The following H3-3B variants were observed in gnomAD, a reference collection of about 807,000 sequenced individuals.
H3-3B encodes the protein H3.3 histone B, also known as histone H3.3.
A neutral mutation model predicts 13.1 loss-of-function variants in H3-3B; 2 were observed. That is an observed-to-expected ratio of 0.15 (90% CI 0.06 to 0.48). H3-3B has a LOEUF of 0.48. Ranked by LOEUF, H3-3B falls within the 20% of genes least tolerant of loss-of-function variation. The probability of loss-of-function intolerance (pLI) is 0.97; values close to 1 mark genes in which losing one functional copy is unlikely to be tolerated. For synonymous variants in H3-3B, 133 were observed against 75.8 expected, an observed-to-expected ratio of 1.76 and a Z score of -3.92; for missense variants, 39 against 186.0, an observed-to-expected ratio of 0.21 and a Z score of 4.60.
chr17:75,776,735 G>A lies in H3-3B; in HGVS notation c.*1860C>T, dbSNP rs2061639189. ...AGTGTCACCCACTTGGGTTGTCACA[G>A]GTAGTAAGCAGAAGCTAACTCATCA... On this transcript the variant is annotated 3_prime_UTR_variant, in exon 4 of 4. Coordinates refer to ENST00000254810, the MANE Select transcript of H3-3B (RefSeq NM_005324.5). The A allele has an allele frequency of 6.6e-6, 1 of 152,274 alleles. No homozygotes were observed. The highest frequency in any genetic ancestry group is 2.1e-4 in the South Asian group (1 of 4,834). The allele number at this position is 152,274 out of a possible 1,614,324, so 9.4% of individuals were successfully genotyped here.
In H3-3B at chr17:75,776,963, T is replaced by G. The variant is rs1042850881; in HGVS notation, c.*1632A>C. On this transcript the variant is annotated 3_prime_UTR_variant, in exon 4 of 4. Transcript: ENST00000254810. ...ATCACGACCTGAAAGATACCTACTT[T>G]ACCTTCCCTCCAAAATATCACATTT... is the stretch of plus-strand genomic sequence containing the variant. The G allele has an allele frequency of 6.6e-6, 1 of 152,238 alleles. No individual in the cohort carries two copies. The highest frequency in any genetic ancestry group is 2.4e-5 in the African/African-American group (1 of 41,462). 9.4% of individuals were successfully genotyped at this position (152,238 alleles called of 1,614,324 possible).
rs1454735005 is a variant in H3-3B, at chr17:75,779,042, C to T, written c.128+5G>A. 4 of 1,610,670 alleles carry T rather than the reference C, an allele frequency of 2.5e-6. No homozygotes were observed. Among genetic ancestry groups the T allele is most frequent in the Non-Finnish European group, 3.4e-6 (4 of 1,177,880 alleles). ...GCCGGGCCATTGTTCCCCCGCCCGA[C>T]CTACCTGTAGCGATGAGGCTTCTTC... On this transcript the variant is annotated splice_donor_5th_base_variant and intron_variant, in intron 2 of 3. Coordinates refer to ENST00000254810, the MANE Select transcript of H3-3B (RefSeq NM_005324.5).
chr17:75,779,030 T>C lies in H3-3B; in HGVS notation c.128+17A>G. 6.2e-7 allele frequency: 1 copy of C among 1,609,294 alleles called. No homozygotes were observed. Among genetic ancestry groups the C allele is most frequent in the Non-Finnish European group, 8.5e-7 (1 of 1,177,574 alleles). Reference sequence around the variant, plus strand: ...AAGCCGGCCACCGCCGGGCCATTGTTCCCCCGCCCGACCTACCTGTAGCGA... The same window carrying C: ...AAGCCGGCCACCGCCGGGCCATTGTCCCCCCGCCCGACCTACCTGTAGCGA... On this transcript the variant is annotated intron_variant, in intron 2 of 3. Transcript: ENST00000254810.
At chr17:75,779,450 A>T (rs2061655507) in intron 1 of H3-3B, 2 of 291,498 alleles carry the variant, frequency 6.9e-6, no homozygotes, top group Admixed American at 1.1e-4. Context: ...ACTGCCCGGA[A>T]CCCGGCGTCG....
chr17:75,779,476 C>T (rs2061655710), intron 1 of H3-3B, 181 bp downstream of exon 1: 1 of 246,692 alleles, frequency 4.1e-6, no homozygotes, highest in African/African-American at 2.2e-5. Flanking sequence ...TCTGAATCAC[C>T]GCCGGGAAAA....
rs201309741 is a variant in H3-3B at position 75,777,656 on chromosome 17, C to G, written c.*939G>C. 1 of 141,990 alleles carries G rather than the reference C, an allele frequency of 7.0e-6. No homozygotes were observed. Among genetic ancestry groups the G allele is most frequent in the African/African-American group, 2.5e-5 (1 of 39,400 alleles). 8.8% of individuals were successfully genotyped at this position (141,990 alleles called of 1,614,324 possible). A position where few individuals can be genotyped will look rare whatever the true frequency, so the allele number is the denominator to read the frequency against. On this transcript the variant is annotated 3_prime_UTR_variant, in exon 4 of 4. Coordinates refer to ENST00000254810, the MANE Select transcript of H3-3B (RefSeq NM_005324.5). ...GGAGTTTTGTGCTCCTCCCCCACACCAAGTTTTTATAATACAAATGCCACA... is the reference window on the plus strand; with the variant it reads ...GGAGTTTTGTGCTCCTCCCCCACACGAAGTTTTTATAATACAAATGCCACA...
rs1416665987 is a variant in H3-3B at position 75,776,926 on chromosome 17, TAGG to T, written c.*1666_*1668del. 6.6e-6 allele frequency: 1 copy of T among 152,232 alleles called. No individual in the cohort carries two copies. Among genetic ancestry groups the T allele is most frequent in the African/African-American group, 2.4e-5 (1 of 41,464 alleles). The allele number at this position is 152,232 out of a possible 1,614,324, so 9.4% of individuals were successfully genotyped here. On this transcript the variant is annotated 3_prime_UTR_variant, in exon 4 of 4. Coordinates refer to ENST00000254810, the MANE Select transcript of H3-3B (RefSeq NM_005324.5). ...CGGGTCATTATATTGCATCCTTTCA[TAGG>T]AGCTCATTATCACGACCTGAAAGAT... is the stretch of plus-strand genomic sequence containing the variant.
At chr17:75,779,334 C>T in intron 1 of H3-3B, 150 bp from the exon 2 acceptor site, 3 of 744,116 alleles carry the variant, frequency 4.0e-6, no homozygotes, top group East Asian at 3.4e-5. Flanking sequence ...GGGCCGCCAA[C>T]CTCCTCCCCC....
In H3-3B at chr17:75,778,333, T is replaced by C; in HGVS notation, c.*262A>G. 2.1e-6 allele frequency: 1 copy of C among 483,598 alleles called. No individual in the cohort carries two copies. Among genetic ancestry groups the C allele is most frequent in the Non-Finnish European group, 3.7e-6 (1 of 270,086 alleles). 30.0% of individuals were successfully genotyped at this position (483,598 alleles called of 1,614,324 possible). On this transcript the variant is annotated 3_prime_UTR_variant, in exon 4 of 4. Coordinates refer to ENST00000254810, the MANE Select transcript of H3-3B (RefSeq NM_005324.5). ...CCTTAATAGCTACCCAACAAGTCATTAACATACAGAAACATGCATCATGAG... is the reference window on the plus strand; with the variant it reads ...CCTTAATAGCTACCCAACAAGTCATCAACATACAGAAACATGCATCATGAG...
At position 75,778,343 on chromosome 17, in the gene H3-3B, A is replaced by C. The variant is rs566237569; in HGVS notation, c.*252T>G. Reference sequence around the variant, plus strand: ...TACCCAACAAGTCATTAACATACAGAAACATGCATCATGAGAAGCAAGAAG... The same window carrying C: ...TACCCAACAAGTCATTAACATACAGCAACATGCATCATGAGAAGCAAGAAG... On this transcript the variant is annotated 3_prime_UTR_variant, in exon 4 of 4. Coordinates refer to ENST00000254810, the MANE Select transcript of H3-3B (RefSeq NM_005324.5). 5 of 511,628 alleles carry C rather than the reference A, an allele frequency of 9.8e-6. No homozygotes were observed. In the East Asian group the frequency reaches 1.7e-4, roughly 18 times the overall value. 31.7% of individuals were successfully genotyped at this position (511,628 alleles called of 1,614,324 possible).
chr17:75,779,421 C>T (rs531085486), intron 1 of H3-3B: 1 of 349,702 alleles, frequency 2.9e-6, no homozygotes, highest in Non-Finnish European at 5.1e-6. Flanking sequence ...ACTTCCCTTC[C>T]TCGACGGGCG....
rs990979563 is a variant in H3-3B at position 75,776,925 on chromosome 17, A to G, written c.*1670T>C. 3 of 152,194 alleles carry G rather than the reference A, an allele frequency of 2.0e-5. No homozygotes were observed. The highest frequency in any genetic ancestry group is 7.2e-5 in the African/African-American group (3 of 41,442). 9.4% of individuals were successfully genotyped at this position (152,194 alleles called of 1,614,324 possible). ...GCGGGTCATTATATTGCATCCTTTCATAGGAGCTCATTATCACGACCTGAA... is the reference window on the plus strand; with the variant it reads ...GCGGGTCATTATATTGCATCCTTTCGTAGGAGCTCATTATCACGACCTGAA... On this transcript the variant is annotated 3_prime_UTR_variant, in exon 4 of 4. Coordinates refer to ENST00000254810, the MANE Select transcript of H3-3B (RefSeq NM_005324.5).
At position 75,778,255 on chromosome 17, in the gene H3-3B, T is replaced by C; in HGVS notation, c.*340A>G. ...CCAATTGTTAAACACTTGGATCAAGTCATAACCAGTTTTATTGCAAAAGGA... is the reference window on the plus strand; with the variant it reads ...CCAATTGTTAAACACTTGGATCAAGCCATAACCAGTTTTATTGCAAAAGGA... On this transcript the variant is annotated 3_prime_UTR_variant, in exon 4 of 4. Coordinates refer to ENST00000254810, the MANE Select transcript of H3-3B (RefSeq NM_005324.5). 4.5e-6 allele frequency: 1 copy of C among 222,626 alleles called. No individual in the cohort carries two copies. Among genetic ancestry groups the C allele is most frequent in the East Asian group, 1.2e-4 (1 of 8,582 alleles). 13.8% of individuals were successfully genotyped at this position (222,626 alleles called of 1,614,324 possible).
rs2061648317 is a variant in H3-3B at position 75,778,158 on chromosome 17, T to TTA, written c.*435_*436dup. 1 of 156,068 alleles carries TTA rather than the reference T, an allele frequency of 6.4e-6. No homozygotes were observed. The highest frequency in any genetic ancestry group is 1.8e-4 in the South Asian group (1 of 5,454). 9.7% of individuals were successfully genotyped at this position (156,068 alleles called of 1,614,324 possible). A position where few individuals can be genotyped will look rare whatever the true frequency, so the allele number is the denominator to read the frequency against. The stretch of plus-strand genomic sequence containing the variant: ...AAGGAAACTGTAAGTTACACTGTGG[T>TTA]TAAGACTTGTATCTTCACCCTTGAA... On this transcript the variant is annotated 3_prime_UTR_variant, in exon 4 of 4. Transcript: ENST00000254810.
intron 1 of H3-3B, chr17:75,779,418 T>G: frequency 2.2e-4 from 71 of 320,710 alleles, no homozygotes; most frequent in East Asian, 5.5e-4. Flanking sequence ...GTCACTTCCC[T>G]TCCTCGACGG....
rs764152280 is a variant in H3-3B at position 75,778,982 on chromosome 17, G to C, written c.129-19C>G. 1 of 1,613,800 alleles carries C rather than the reference G, an allele frequency of 6.2e-7. No homozygotes were observed. The highest frequency in any genetic ancestry group is 1.3e-5 in the African/African-American group (1 of 74,934). ...CCCGGGCCTGCAGCGAGCAGGGGAG[G>C]AGTGAGCGGACGCTGCCGCACAAAG... On this transcript the variant is annotated intron_variant, in intron 2 of 3. Transcript: ENST00000254810.
At position 75,777,199 on chromosome 17, in the gene H3-3B, TACGGA is replaced by T. The variant is rs1234372346; in HGVS notation, c.*1391_*1395del. 4 of 151,942 alleles carry T rather than the reference TACGGA, an allele frequency of 2.6e-5. No individual in the cohort carries two copies. The East Asian group carries it at 7.8e-4, about 30-fold the overall frequency. The allele number at this position is 151,942 out of a possible 1,614,324, so 9.4% of individuals were successfully genotyped here. On this transcript the variant is annotated 3_prime_UTR_variant, in exon 4 of 4. Coordinates refer to ENST00000254810, the MANE Select transcript of H3-3B (RefSeq NM_005324.5). ...GTTCTACACCTGTGGGCTTCTACAC[TACGGA>T]ACGGGAGTGGGGGGGCTGAAAAGCT...
chr17:75,778,874 C>T lies in H3-3B; in HGVS notation c.218G>A (p.Arg73Lys). The T allele has an allele frequency of 6.2e-7, 1 of 1,614,182 alleles. No individual in the cohort carries two copies. The highest frequency in any genetic ancestry group is 8.5e-7 in the Non-Finnish European group (1 of 1,180,030). The change falls in exon 3 of 4, where the codon AGG (arginine) becomes AAG (lysine). Residue 73 changes from arginine (R) to lysine (K), a missense_variant. Transcript: ENST00000254810. ...IRKLPFQRLV[R>K]EIAQDFKTDL... ...GGTTTTGAAATCCTGCGCGATCTCC[C>T]TCACCAACCTCTGGAAGGGCAGCTT...
chr17:75,779,257 C>A lies in H3-3B; in HGVS notation c.-10-73G>T, dbSNP rs2061654232. ...CCCCCCAGGGCTGCGGGGGGAGGAA[C>A]AGATCCTGGCCCCACCGCCGGGCCT... On this transcript the variant is annotated intron_variant, in intron 1 of 3. Transcript: ENST00000254810. 4 of 1,356,170 alleles carry A rather than the reference C, an allele frequency of 2.9e-6. No individual in the cohort carries two copies. In the African/African-American group the frequency reaches 6.1e-5, roughly 21 times the overall value. 84.0% of individuals were successfully genotyped at this position (1,356,170 alleles called of 1,614,324 possible). A position where few individuals can be genotyped will look rare whatever the true frequency, so the allele number is the denominator to read the frequency against.
Sources: gnomAD v4.1 joint callset for allele counts on GRCh38, gnomAD v4.1.1 for gene constraint, MANE v1.5 for transcripts, NCBI Gene and HGNC (gene_info 2026-07-23, HGNC 2026-07-21) for gene names.